SHROOM3: variants seen among roughly 807,000 people sequenced by gnomAD.
SHROOM3 encodes shroom family member 3.
In SHROOM3, 47 loss-of-function variants were observed where a neutral mutation model predicts 138.6. The observed-to-expected ratio is 0.34, with a 90% CI of 0.27 to 0.43. The LOEUF (loss-of-function observed/expected upper bound fraction) is 0.43. Among genes scored for constraint, SHROOM3 ranks in the 20% least tolerant of loss-of-function variants. The pLI is 1.00. For missense variants in SHROOM3, 2,491 were observed against 2,596.5 expected (o/e 0.96, Z 0.88); for synonymous variants, 1,062 against 1,063.3 (o/e 1.00, Z 0.02).
intron 1 of SHROOM3, among the ~76,000 whole-genome samples, chr4:76,517,486 T>A (rs897157979): frequency 2.0e-5 from 3 of 152,174 alleles, no homozygotes; most frequent in African/African-American, 7.2e-5. Flanking sequence ...TTTCACAGAA[T>A]TCTTGCTTGG....
intron 2 of SHROOM3, among the ~76,000 whole-genome samples, chr4:76,590,151 A>C (rs1255049605): frequency 3.3e-5 from 5 of 152,202 alleles, no homozygotes; most frequent in Non-Finnish European, 5.9e-5. Flanking sequence ...GCATTAAAAC[A>C]ATGAAATGAA....
chr4:76,508,498 T>A (rs1321150126), intron 1 of SHROOM3, among the ~76,000 whole-genome samples: 1 of 152,196 alleles, frequency 6.6e-6, no homozygotes, highest in East Asian at 1.9e-4. Flanking sequence ...TCTTCCAACT[T>A]CTTTCTTCTT....
At chr4:76,684,335 G>T (rs145638894) in intron 2 of SHROOM3, among the ~76,000 whole-genome samples, 2 of 152,268 alleles carry the variant, frequency 1.3e-5, no homozygotes, top group East Asian at 3.9e-4. Flanking sequence ...TCTCCATAAG[G>T]ACAAGAACTT....
chr4:76,719,570 G>C (rs1338485564), intron 3 of SHROOM3, among the ~76,000 whole-genome samples: 1 of 152,168 alleles, frequency 6.6e-6, no homozygotes, highest in East Asian at 1.9e-4. Context: ...TTTTTATGCA[G>C]ATGTTGACAT....
At chr4:76,628,712 T>C (rs1735217641) in intron 2 of SHROOM3, among the ~76,000 whole-genome samples, 1 of 152,200 alleles carries the variant, frequency 6.6e-6, no homozygotes, top group African/African-American at 2.4e-5. Context: ...ATAACTACTT[T>C]ATAAAGAATA....
intron 2 of SHROOM3, among the ~76,000 whole-genome samples, chr4:76,674,554 CT>C (rs11312421): frequency 0.042 from 4,286 of 103,120 alleles, 52 homozygotes; most frequent in African/African-American, 0.14. Flanking sequence ...TCCTTCCTTC[CT>C]TTTTTTTTTT....
intron 2 of SHROOM3, among the ~76,000 whole-genome samples, chr4:76,581,590 G>C (rs11938697): frequency 1.3e-3 from 202 of 152,150 alleles, no homozygotes; most frequent in African/African-American, 4.6e-3. Flanking sequence ...AAAAATGATT[G>C]CCTGAGTGTA....
chr4:76,711,083 A>G (rs1720217119), intron 3 of SHROOM3, among the ~76,000 whole-genome samples: 1 of 152,228 alleles, frequency 6.6e-6, no homozygotes. Flanking sequence ...GAATATAATT[A>G]TCCTCATCAT....
intron 2 of SHROOM3, among the ~76,000 whole-genome samples, chr4:76,672,913 T>C (rs1718930207): frequency 6.6e-6 from 1 of 152,204 alleles, no homozygotes; most frequent in Non-Finnish European, 1.5e-5. Flanking sequence ...ATTACTTGCA[T>C]TAAGGGGATT....
chr4:76,693,305 A>G (rs915742689), intron 2 of SHROOM3, among the ~76,000 whole-genome samples: 1 of 150,764 alleles, frequency 6.6e-6, no homozygotes, highest in Non-Finnish European at 1.5e-5. Flanking sequence ...TAAGATTATC[A>G]AGGATCTTAT....
intron 2 of SHROOM3, among the ~76,000 whole-genome samples, chr4:76,676,859 C>T (rs186117445): frequency 9.4e-4 from 138 of 146,380 alleles, no homozygotes; most frequent in African/African-American, 3.3e-3. Context: ...AGGAGAATGG[C>T]GTGAACCCGG....
At chr4:76,642,730 G>A (rs980294190) in intron 2 of SHROOM3, among the ~76,000 whole-genome samples, 1 of 152,114 alleles carries the variant, frequency 6.6e-6, no homozygotes, top group Non-Finnish European at 1.5e-5. Context: ...AGAGCATGAG[G>A]TGCCAGGAAC....
intron 2 of SHROOM3, among the ~76,000 whole-genome samples, chr4:76,644,567 GT>G (rs914901385): frequency 3.6e-4 from 53 of 146,812 alleles, no homozygotes; most frequent in African/African-American, 5.0e-4. Flanking sequence ...GACATACGGG[GT>G]TTTTTTTTTT....
At chr4:76,662,745 A>G (rs1272566761) in intron 2 of SHROOM3, among the ~76,000 whole-genome samples, 1 of 152,198 alleles carries the variant, frequency 6.6e-6, no homozygotes, top group East Asian at 1.9e-4. Flanking sequence ...TGTAGGTTCA[A>G]TAATTGCAAT....
intron 9 of SHROOM3, among the ~76,000 whole-genome samples, chr4:76,769,336 T>TA (rs528844642): frequency 0.027 from 3,786 of 141,514 alleles, 159 homozygotes; most frequent in African/African-American, 0.087. Flanking sequence ...TTTTTAGCAG[T>TA]AAAAAAAAAA....
At chr4:76,532,263 G>A (rs1014285898) in intron 1 of SHROOM3, 8 of 152,226 alleles carry the variant, frequency 5.3e-5, no homozygotes, top group Admixed American at 1.3e-4. Flanking sequence ...TCATCCTTGC[G>A]TGGGGGCCAT....
At chr4:76,667,763 T>A (rs1435892521) in intron 2 of SHROOM3, among the ~76,000 whole-genome samples, 1 of 150,778 alleles carries the variant, frequency 6.6e-6, no homozygotes, top group Non-Finnish European at 1.5e-5. Context: ...GGTCAGGAGA[T>A]CGAGACCTTC....
chr4:76,545,973 T>C (rs1231844424), intron 1 of SHROOM3, among the ~76,000 whole-genome samples: 1 of 152,216 alleles, frequency 6.6e-6, no homozygotes, highest in African/African-American at 2.4e-5. Context: ...TGGAAAAGAA[T>C]AGCATACCTC....
At chr4:76,613,283 T>C (rs1734801947) in intron 2 of SHROOM3, among the ~76,000 whole-genome samples, 6 of 152,168 alleles carry the variant, frequency 3.9e-5, no homozygotes. Flanking sequence ...AGTTCATTTC[T>C]TATCTTCATG....
Sources: gnomAD v4.1 joint callset for allele counts (sites outside exome capture counted in the v4.1 genomes callset) on GRCh38, gnomAD v4.1.1 for gene constraint, MANE v1.5 for transcripts, NCBI Gene and HGNC (gene_info 2026-07-23, HGNC 2026-07-21) for gene names.